PDE4DIP: variants seen among roughly 807,000 people sequenced by gnomAD.
The protein encoded by PDE4DIP is phosphodiesterase 4D interacting protein.
Under a neutral mutation model 221.4 loss-of-function variants are expected in PDE4DIP, and 59 were observed. The observed-to-expected ratio is 0.27, with a 90% CI of 0.22 to 0.33. PDE4DIP has a LOEUF of 0.33. Among genes scored for constraint, PDE4DIP ranks in the 10% least tolerant of loss-of-function variants. The pLI is 1.00. For synonymous variants in PDE4DIP, 404 were observed against 815.9 expected (o/e 0.50, Z 8.60); for missense variants, 1,036 against 2,154.2 (o/e 0.48, Z 10.28).
intron 2 of PDE4DIP, 126 bp downstream of exon 5, chr1:148,929,399 G>A (rs2047346061): frequency 2.3e-6 from 3 of 1,331,494 alleles, no homozygotes; most frequent in African/African-American, 1.5e-5. Flanking sequence ...TTCAGGAACT[G>A]AAACAATAGA....
intron 23 of PDE4DIP, among the ~76,000 whole-genome samples, chr1:149,001,241 G>T (rs1268913434): frequency 2.7e-5 from 4 of 150,542 alleles, no homozygotes; most frequent in Admixed American, 6.6e-5. Context: ...TACAGAAAAG[G>T]TCTTATTTTT....
In PDE4DIP at chr1:149,023,353, A is replaced by G. The variant is rs372085391; in HGVS notation, c.6086-1092A>G. ...GATTGTGGCTCACATGCAACTGGGT[A>G]CATGTTATATATGATATATGCACCC... On this transcript the variant is annotated intron_variant, in intron 37 of 43. Coordinates refer to ENST00000369354, the Ensembl canonical transcript of PDE4DIP. Among the ~76,000 whole-genome samples the G allele has an allele frequency of 3.9e-5, 6 of 151,960 alleles. No homozygotes were observed. The East Asian group carries it at 9.7e-4, about 25-fold the overall frequency.
exon 34 of PDE4DIP, chr1:149,017,863 T>C: frequency 6.2e-7 from 1 of 1,613,506 alleles, no homozygotes; most frequent in Non-Finnish European, 8.5e-7. Flanking sequence ...GGCTGACCTC[T>C]ACTGCTCGTG....
chr1:148,944,124 C>T (rs143914797), intron 5 of PDE4DIP, among the ~76,000 whole-genome samples: 79 of 152,208 alleles, frequency 5.2e-4, no homozygotes, highest in Non-Finnish European at 9.3e-4. Flanking sequence ...ATGGGGAGAA[C>T]GCAGTATGGA....
chr1:149,000,246 G>A (rs1379170900), intron 23 of PDE4DIP, among the ~76,000 whole-genome samples: 1 of 152,172 alleles, frequency 6.6e-6, no homozygotes, highest in Non-Finnish European at 1.5e-5. Flanking sequence ...GGGGTTCTCA[G>A]TTTAGCATGC....
rs587642222 is a variant in PDE4DIP, at chr1:149,015,145, T to A, written c.5267-1154T>A. Among the ~76,000 whole-genome samples the A allele has an allele frequency of 3.4e-4, 51 of 152,216 alleles. No individual in the cohort carries two copies. The East Asian group carries it at 3.9e-3, about 12-fold the overall frequency. ...TTAGAAGAGAGACTCATGACAAGAC[T>A]TCCCAAACTTCTGCCTATTAGAATT... On this transcript the variant is annotated intron_variant, in intron 32 of 43. Transcript: ENST00000369354.
intron 17 of PDE4DIP, among the ~76,000 whole-genome samples, chr1:148,975,350 T>C (rs2059966114): frequency 6.8e-6 from 1 of 146,622 alleles, no homozygotes; most frequent in Admixed American, 6.8e-5. Flanking sequence ...CTGTGCTAGG[T>C]ATTTAAATTA....
At chr1:149,001,104 G>A (rs2065552165) in intron 23 of PDE4DIP, among the ~76,000 whole-genome samples, 1 of 152,260 alleles carries the variant, frequency 6.6e-6, no homozygotes, top group Non-Finnish European at 1.5e-5. Flanking sequence ...AATTATCTAA[G>A]TACATTTTGA....
chr1:148,983,330 T>C (rs1553545539), intron 21 of PDE4DIP: 1 of 152,100 alleles, frequency 6.6e-6, no homozygotes, highest in African/African-American at 2.4e-5. Flanking sequence ...TCTGGGTGAT[T>C]CTTCATTTCT....
At chr1:149,018,150 T>A (rs2071341682) in intron 34 of PDE4DIP, among the ~76,000 whole-genome samples, 1 of 151,896 alleles carries the variant, frequency 6.6e-6, no homozygotes, top group Admixed American at 6.6e-5. Flanking sequence ...GTTGTGTGAT[T>A]GATAAGTGGT....
At chr1:148,967,845 A>G (rs782493586) in exon 13 of PDE4DIP, 1 of 1,130,376 alleles carries the variant, frequency 8.8e-7, no homozygotes, top group Non-Finnish European at 1.4e-6. Flanking sequence ...GGCAGAAGGA[A>G]CAAGAGAGTA....
chr1:148,968,615 T>C (rs2058624818), intron 13 of PDE4DIP, among the ~76,000 whole-genome samples: 1 of 151,828 alleles, frequency 6.6e-6, no homozygotes, highest in African/African-American at 2.4e-5. Flanking sequence ...CCACCAGAGA[T>C]AGTTTTCTGT....
intron 32 of PDE4DIP, among the ~76,000 whole-genome samples, chr1:149,013,781 CTTT>C (rs71582768): frequency 1.9e-4 from 6 of 31,942 alleles, no homozygotes; most frequent in African/African-American, 6.2e-4. Flanking sequence ...CCTTCTTCCT[CTTT>C]TTTTTTTTTT....
intron 14 of PDE4DIP, among the ~76,000 whole-genome samples, chr1:148,969,559 A>G (rs587696456): frequency 2.6e-5 from 4 of 151,854 alleles, no homozygotes; most frequent in African/African-American, 9.7e-5. Context: ...GGTATGGGAA[A>G]ACTTACACTC....
chr1:148,905,186 T>G (rs1202168660), intron 1 of PDE4DIP, among the ~76,000 whole-genome samples: 4 of 145,982 alleles, frequency 2.7e-5, no homozygotes, highest in African/African-American at 5.0e-5. Context: ...AGGTTTTTTT[T>G]TTTTTTTTTT....
At chr1:148,919,455 T>G (rs1274172233) in intron 1 of PDE4DIP, among the ~76,000 whole-genome samples, 2 of 151,286 alleles carry the variant, frequency 1.3e-5, no homozygotes, top group African/African-American at 2.5e-5. Context: ...AGAATTCACT[T>G]GGAAACTACT....
chr1:148,953,352 C>T (rs371087892), intron 5 of PDE4DIP: 29 of 1,613,868 alleles, frequency 1.8e-5, no homozygotes, highest in Non-Finnish European at 2.3e-5. Context: ...CGAAAGGTGG[C>T]CAGAAGTATC....
At chr1:148,961,311 A>C (rs2151663960) in intron 6 of PDE4DIP, among the ~76,000 whole-genome samples, 1 of 152,308 alleles carries the variant, frequency 6.6e-6, no homozygotes, top group East Asian at 1.9e-4. Context: ...CTGTCTCAAA[A>C]AAACACTTGC....
rs1384085490 is a variant in PDE4DIP, at chr1:149,032,196, C to G, written c.*211C>G. On this transcript the variant is annotated 3_prime_UTR_variant, in exon 44 of 44. Transcript: ENST00000369354. ...GAAAGGCAGAAAGCCTTTCTGACGG[C>G]TATGGAATACGATTAGCCAAGGTCC... 1.4e-5 allele frequency: 12 copies of G among 876,050 alleles called. No individual in the cohort carries two copies. The East Asian group carries it at 2.9e-4, about 21-fold the overall frequency. 54.3% of individuals were successfully genotyped at this position (876,050 alleles called of 1,614,324 possible).
Sources: allele counts gnomAD v4.1 joint callset (sites outside exome capture counted in the v4.1 genomes callset), GRCh38; gene constraint gnomAD v4.1.1; transcripts MANE v1.5; gene names NCBI Gene and HGNC (gene_info 2026-07-23, HGNC 2026-07-21).